Variants in CLPB observed in about 807,000 individuals in gnomAD.
CLPB encodes the protein ClpB family mitochondrial disaggregase, also known as mitochondrial disaggregase.
CLPB carries 40 observed loss-of-function variants against 78.4 expected under a neutral mutation model. The observed-to-expected ratio is 0.51, with a 90% CI of 0.40 to 0.66. The LOEUF is 0.66. Among genes scored for constraint, CLPB ranks in the 30% least tolerant of loss-of-function variants. The probability of loss-of-function intolerance (pLI) is 0.00; values close to 1 mark genes in which losing one functional copy is unlikely to be tolerated. For synonymous variants in CLPB, 333 were observed against 348.0 expected (o/e 0.96, Z 0.48); for missense variants, 780 against 886.9 (o/e 0.88, Z 1.53).
chr11:72,332,135 TA>T (rs968014362), intron 5 of CLPB, among the ~76,000 whole-genome samples: 8 of 152,166 alleles, frequency 5.3e-5, no homozygotes, highest in African/African-American at 9.6e-5. Context: ...TTGATAAATA[TA>T]TTTTTTTTTA....
chr11:72,322,270 A>G (rs1488455137), intron 6 of CLPB, among the ~76,000 whole-genome samples: 1 of 152,108 alleles, frequency 6.6e-6, no homozygotes, highest in East Asian at 1.9e-4. Flanking sequence ...TAAAGCCAAT[A>G]TTTTAAACAT....
intron 5 of CLPB, among the ~76,000 whole-genome samples, chr11:72,344,381 AT>A (rs113748874): frequency 1.1e-3 from 164 of 144,050 alleles, no homozygotes; most frequent in Middle Eastern, 3.5e-3. Context: ...TAATTTTTGT[AT>A]TTTTTTTTTT....
rs78020092 is a variant in CLPB at position 72,415,505 on chromosome 11, C to T, written c.456-12453G>A. Reference sequence around the variant, plus strand: ...CTTGGAAGTTCTAGTTCCTTCTAGTCGCATGCTGAGAACATTCCAAGCCTA... The same window carrying T: ...CTTGGAAGTTCTAGTTCCTTCTAGTTGCATGCTGAGAACATTCCAAGCCTA... On this transcript the variant is annotated intron_variant, in intron 2 of 15. Coordinates refer to ENST00000538039, the MANE Select transcript of CLPB (RefSeq NM_001258392.3). 7.2e-3 allele frequency among the ~76,000 whole-genome samples: 1,098 copies of T among 152,298 alleles called. 24 individuals are homozygous for T. The highest frequency in any genetic ancestry group is 0.063 in the East Asian group (326 of 5,180).
chr11:72,302,480 C>A, intron 9 of CLPB, 132 bp from the exon 10 acceptor site: 1 of 779,568 alleles, frequency 1.3e-6, no homozygotes, highest in South Asian at 1.5e-5. Context: ...ATCTCACGCT[C>A]AAGATGTTTT....
At chr11:72,295,792 T>A in intron 11 of CLPB, 144 bp from the exon 12 acceptor site, 1 of 772,386 alleles carries the variant, frequency 1.3e-6, no homozygotes, top group Non-Finnish European at 2.1e-6. Flanking sequence ...CTTCCTCCTC[T>A]GGGTTCTCCG....
At chr11:72,356,001 G>T (rs1277487616) in intron 5 of CLPB, among the ~76,000 whole-genome samples, 1 of 152,154 alleles carries the variant, frequency 6.6e-6, no homozygotes, top group Non-Finnish European at 1.5e-5. Context: ...ACCGGATGGG[G>T]CTGGGCGCGG....
At chr11:72,365,605 A>AATCCTAAGCAAAAGAACAAAGCC (rs371519570) in intron 4 of CLPB, among the ~76,000 whole-genome samples, 1,588 of 152,346 alleles carry the variant, frequency 0.01, 30 homozygotes, top group East Asian at 0.062. Flanking sequence ...CAGCCAAAGC[A>AATCCTAAGCAAAAGAACAAAGCC]ATCCTAAGCA....
At chr11:72,305,419 C>T (rs1018287991) in intron 9 of CLPB, among the ~76,000 whole-genome samples, 3 of 152,230 alleles carry the variant, frequency 2.0e-5, no homozygotes, top group Admixed American at 2.0e-4. Context: ...TAGGCACTTG[C>T]TGTGTGCTCA....
chr11:72,328,062 G>C (rs554220995), intron 6 of CLPB, among the ~76,000 whole-genome samples: 1 of 152,178 alleles, frequency 6.6e-6, no homozygotes, highest in Non-Finnish European at 1.5e-5. Flanking sequence ...ACTCTTCTTG[G>C]CCCCCCTTAT....
At chr11:72,367,560 G>A (rs945229195) in intron 4 of CLPB, among the ~76,000 whole-genome samples, 3 of 152,120 alleles carry the variant, frequency 2.0e-5, no homozygotes, top group Non-Finnish European at 4.4e-5. Flanking sequence ...GGTACTCATG[G>A]ACATGAGTAC....
At position 72,291,597 on chromosome 11, in the gene CLPB, CACACCCGGCAATTTCCTGGTTTTG is replaced by C. The variant is rs1949453070; in HGVS notation, c.*1746_*1769del. 1 of 152,044 alleles carries C rather than the reference CACACCCGGCAATTTCCTGGTTTTG, an allele frequency of 6.6e-6. No homozygotes were observed. Among genetic ancestry groups the C allele is most frequent in the Non-Finnish European group, 1.5e-5 (1 of 68,024 alleles). The allele number at this position is 152,044 out of a possible 1,614,324, so 9.4% of individuals were successfully genotyped here. On this transcript the variant is annotated 3_prime_UTR_variant, in exon 16 of 16. Coordinates refer to ENST00000538039, the MANE Select transcript of CLPB (RefSeq NM_001258392.3). ...TGCTGGAATTACAGGCATGAGCCAC[CACACCCGGCAATTTCCTGGTTTTG>C]ATAAACTACAGTATGGCTTTGTAGG...
At chr11:72,385,278 G>C (rs1270574807) in intron 3 of CLPB, among the ~76,000 whole-genome samples, 1 of 152,146 alleles carries the variant, frequency 6.6e-6, no homozygotes, top group Non-Finnish European at 1.5e-5. Context: ...CTCCATGTTA[G>C]CTTCCCTTCT....
chr11:72,371,214 C>T (rs562739907), intron 4 of CLPB, among the ~76,000 whole-genome samples: 1 of 152,072 alleles, frequency 6.6e-6, no homozygotes, highest in Non-Finnish European at 1.5e-5. Flanking sequence ...CAGGCACAAC[C>T]CACTACACCT....
At chr11:72,358,113 C>T (rs1192425289) in intron 5 of CLPB, among the ~76,000 whole-genome samples, 1 of 152,196 alleles carries the variant, frequency 6.6e-6, no homozygotes, top group Non-Finnish European at 1.5e-5. Flanking sequence ...TGGCAGGTAG[C>T]ACTACCAGAC....
chr11:72,393,828 C>A (rs1236060432), intron 3 of CLPB, among the ~76,000 whole-genome samples: 1 of 152,204 alleles, frequency 6.6e-6, no homozygotes, highest in African/African-American at 2.4e-5. Context: ...TATACTTATC[C>A]TTGTTAGTTT....
chr11:72,409,925 C>T (rs1402139653), intron 2 of CLPB, among the ~76,000 whole-genome samples: 1 of 151,872 alleles, frequency 6.6e-6, no homozygotes, highest in Non-Finnish European at 1.5e-5. Context: ...TGCAGTGAGC[C>T]GGGATTGTGC....
chr11:72,331,052 TA>T (rs201081127), intron 5 of CLPB, among the ~76,000 whole-genome samples: 3 of 152,228 alleles, frequency 2.0e-5, no homozygotes, highest in African/African-American at 7.2e-5. Context: ...GTCTCTACTT[TA>T]AAAATTTTTT....
chr11:72,294,546 G>C, intron 13 of CLPB, 74 bp downstream of exon 13: 2 of 1,608,026 alleles, frequency 1.2e-6, no homozygotes, highest in Non-Finnish European at 1.7e-6. Flanking sequence ...GGGGCTTCCA[G>C]ATCTTTAGGA....
intron 5 of CLPB, among the ~76,000 whole-genome samples, chr11:72,346,112 G>T (rs1435060802): frequency 6.6e-6 from 1 of 152,126 alleles, no homozygotes; most frequent in Non-Finnish European, 1.5e-5. Flanking sequence ...AGGCAGTATT[G>T]GTGTTCTCAG....
Sources: gnomAD v4.1 joint callset for allele counts (sites outside exome capture counted in the v4.1 genomes callset) on GRCh38, gnomAD v4.1.1 for gene constraint, MANE v1.5 for transcripts, NCBI Gene and HGNC (gene_info 2026-07-23, HGNC 2026-07-21) for gene names.